EPHA5: variants seen among roughly 807,000 people sequenced by gnomAD.
The protein encoded by EPHA5 is EPH receptor A5, also known as ephrin type-A receptor 5.
A neutral mutation model predicts 105.0 loss-of-function variants in EPHA5; 60 were observed. That is an observed-to-expected ratio of 0.57 (90% CI 0.46 to 0.71). The LOEUF (loss-of-function observed/expected upper bound fraction) is 0.71, where lower values mean the gene tolerates loss of function less well. Ranked by LOEUF, EPHA5 falls within the 30% of genes least tolerant of loss-of-function variation. The pLI, the probability that EPHA5 is intolerant of heterozygous loss-of-function variation, is 0.00. For synonymous variants in EPHA5, 513 were observed against 449.1 expected, an observed-to-expected ratio of 1.14 and a Z score of -1.80; for missense variants, 1,218 against 1,274.7, an observed-to-expected ratio of 0.96 and a Z score of 0.68.
intron 9 of EPHA5, 27 bp downstream of exon 9, chr4:65,367,330 T>C (rs1411923891): frequency 1.9e-6 from 3 of 1,581,118 alleles, no homozygotes; most frequent in South Asian, 1.1e-5. Flanking sequence ...TATTTTATTC[T>C]ATTTTTATTT....
chr4:65,324,877 C>G (rs1221345771), intron 16 of EPHA5, among the ~76,000 whole-genome samples: 1 of 147,868 alleles, frequency 6.8e-6, no homozygotes, highest in African/African-American at 2.5e-5. Flanking sequence ...CAAGATACTT[C>G]TGTGCATTTT....
chr4:65,416,053 CCA>C (rs1723353786), intron 6 of EPHA5, among the ~76,000 whole-genome samples: 1 of 151,956 alleles, frequency 6.6e-6, no homozygotes, highest in African/African-American at 2.4e-5. Context: ...ATTCAACTTT[CCA>C]GTCTGGCTAT....
intron 4 of EPHA5, among the ~76,000 whole-genome samples, 161 bp from the exon 5 acceptor site, chr4:65,490,873 T>C (rs905356734): frequency 6.6e-6 from 1 of 152,202 alleles, no homozygotes; most frequent in Non-Finnish European, 1.5e-5. Context: ...GGGACAATAG[T>C]GGGGTTTATT....
intron 3 of EPHA5, among the ~76,000 whole-genome samples, chr4:65,499,301 C>A (rs1320068992): frequency 6.6e-6 from 1 of 151,422 alleles, no homozygotes; most frequent in Non-Finnish European, 1.5e-5. Context: ...AATTAGGAAC[C>A]CCCACTCTGC....
At chr4:65,404,119 A>G (rs1017674267) in intron 8 of EPHA5, among the ~76,000 whole-genome samples, 1 of 152,184 alleles carries the variant, frequency 6.6e-6, no homozygotes, top group Non-Finnish European at 1.5e-5. Context: ...AGATATAGCT[A>G]TATTAACCGA....
chr4:65,521,785 C>T (rs1376450897), intron 3 of EPHA5, among the ~76,000 whole-genome samples: 1 of 151,840 alleles, frequency 6.6e-6, no homozygotes, highest in Non-Finnish European at 1.5e-5. Flanking sequence ...CTTTCCTTTT[C>T]TTTGTGTAAT....
At chr4:65,396,262 TTAGGG>T (rs1721226129) in intron 8 of EPHA5, among the ~76,000 whole-genome samples, 1 of 152,226 alleles carries the variant, frequency 6.6e-6, no homozygotes, top group African/African-American at 2.4e-5. Flanking sequence ...TAGATATTGA[TTAGGG>T]TCCTAGTTCC....
At chr4:65,471,518 T>C (rs1383534940) in intron 5 of EPHA5, among the ~76,000 whole-genome samples, 1 of 152,176 alleles carries the variant, frequency 6.6e-6, no homozygotes, top group East Asian at 1.9e-4. Context: ...TACACTTCTA[T>C]AAAGATACTA....
At chr4:65,553,358 C>T (rs886576456) in intron 3 of EPHA5, among the ~76,000 whole-genome samples, 8 of 152,084 alleles carry the variant, frequency 5.3e-5, no homozygotes, top group Admixed American at 2.6e-4. Flanking sequence ...AGAATGATAC[C>T]TTGAAGGACA....
chr4:65,585,326 T>A (rs759008595), intron 3 of EPHA5, among the ~76,000 whole-genome samples: 3 of 151,286 alleles, frequency 2.0e-5, no homozygotes, highest in Non-Finnish European at 4.4e-5. Context: ...CAAAGTAAAG[T>A]AACTTTAGAA....
At chr4:65,647,373 A>G (rs1207955849) in intron 1 of EPHA5, among the ~76,000 whole-genome samples, 1 of 151,252 alleles carries the variant, frequency 6.6e-6, no homozygotes, top group African/African-American at 2.4e-5. Context: ...CATAGGGTAT[A>G]TATAAATGTG....
intron 2 of EPHA5, among the ~76,000 whole-genome samples, chr4:65,627,084 C>T (rs181553897): frequency 8.8e-4 from 134 of 152,214 alleles, no homozygotes; most frequent in Middle Eastern, 3.4e-3. Flanking sequence ...GTGCCTTAGA[C>T]AAAATTTCCA....
At chr4:65,615,807 T>G (rs1412364864) in intron 2 of EPHA5, among the ~76,000 whole-genome samples, 1 of 151,822 alleles carries the variant, frequency 6.6e-6, no homozygotes, top group Non-Finnish European at 1.5e-5. Context: ...GATGAGAAAG[T>G]GAAGAAACTG....
At chr4:65,533,353 A>G (rs1236129842) in intron 3 of EPHA5, among the ~76,000 whole-genome samples, 1 of 152,146 alleles carries the variant, frequency 6.6e-6, no homozygotes, top group Non-Finnish European at 1.5e-5. Flanking sequence ...CCATGACTAA[A>G]TAAGCTAGGC....
intron 2 of EPHA5, 126 bp downstream of exon 2, chr4:65,643,237 C>A: frequency 1.5e-6 from 1 of 688,090 alleles, no homozygotes; most frequent in South Asian, 2.1e-5. Flanking sequence ...TCACCCCATC[C>A]AACACACACA....
chr4:65,630,657 C>G (rs1237826377), intron 2 of EPHA5, among the ~76,000 whole-genome samples: 1 of 152,114 alleles, frequency 6.6e-6, no homozygotes, highest in Non-Finnish European at 1.5e-5. Context: ...ACACTTGCCT[C>G]AGACTCTTCT....
At chr4:65,448,035 A>G (rs1245352794) in intron 5 of EPHA5, among the ~76,000 whole-genome samples, 3 of 152,076 alleles carry the variant, frequency 2.0e-5, no homozygotes, top group African/African-American at 7.2e-5. Context: ...GATTTCCAAA[A>G]CCTATAAGTG....
chr4:65,568,547 T>A (rs968632161), intron 3 of EPHA5, among the ~76,000 whole-genome samples: 1 of 151,146 alleles, frequency 6.6e-6, no homozygotes, highest in African/African-American at 2.4e-5. Flanking sequence ...GCATCCCTTT[T>A]TTTTAAACAT....
At chr4:65,357,014 A>G (rs1279695356) in intron 11 of EPHA5, among the ~76,000 whole-genome samples, 1 of 151,556 alleles carries the variant, frequency 6.6e-6, no homozygotes, top group African/African-American at 2.4e-5. Flanking sequence ...ATGTCAAAAC[A>G]TGATTTTAAT....
Sources: gnomAD v4.1 joint callset for allele counts (sites outside exome capture counted in the v4.1 genomes callset) on GRCh38, gnomAD v4.1.1 for gene constraint, MANE v1.5 for transcripts, NCBI Gene and HGNC (gene_info 2026-07-23, HGNC 2026-07-21) for gene names.